The following PELP1 variants were observed in gnomAD, a reference collection of about 807,000 sequenced individuals.
PELP1 encodes the protein proline, glutamate and leucine rich protein 1, also known as proline-, glutamic acid- and leucine-rich protein 1.
Under a neutral mutation model 95.5 loss-of-function variants are expected in PELP1, and 32 were observed. The observed-to-expected ratio is 0.34, with a 90% CI of 0.25 to 0.45. The LOEUF is 0.45. Among genes scored for constraint, PELP1 ranks in the 20% least tolerant of loss-of-function variants. The pLI, the probability that PELP1 is intolerant of heterozygous loss-of-function variation, is 1.00. For missense variants in PELP1, 1,358 were observed against 1,444.8 expected (o/e 0.94, Z 0.97); for synonymous variants, 668 against 600.1 (o/e 1.11, Z -1.65).
Position 4,672,214 on chromosome 17 carries a change from T to C in PELP1, c.2777A>G (p.Glu926Gly), listed in dbSNP as rs1359035848. ...TTCTTCCTCAAACTCTTCTTCCTCC[T>C]CTTCTTCCTCTTCAAAATATTCCTC... ...DEEEYFEEEE[E>G]EEEEFEEEFE... Residue 926 changes from glutamate to glycine, a missense_variant, in exon 16 of 17, where the codon GAG (glutamate) becomes GGG (glycine). Around this residue, in one of 7 missense-constraint regions of PELP1, gnomAD observed 283 missense variants for 284.1 expected, o/e 1.00. Coordinates refer to ENST00000572293, the MANE Select transcript of PELP1 (RefSeq NM_014389.3). The C allele has an allele frequency of 3.2e-6, 5 of 1,552,460 alleles. No individual in the cohort carries two copies. In the East Asian group the frequency reaches 7.3e-5, roughly 23 times the overall value.
At position 4,672,036 on chromosome 17, in the gene PELP1, A is replaced by C; in HGVS notation, c.2955T>G (p.Ala985=). Residue 985 remains alanine, a synonymous_variant, in exon 16 of 17, where the codon GCT becomes GCG. Coordinates refer to ENST00000572293, the MANE Select transcript of PELP1 (RefSeq NM_014389.3). ...GAPPPPTLPP[A]LPPPESPPKV... ...TTGGGGGAGACTCAGGGGGAGGCAG[A>C]GCTGGAGGCAGGGTTGGGGGTGGAG... The C allele has an allele frequency of 6.4e-7, 1 of 1,565,810 alleles. No individual in the cohort carries two copies. The highest frequency in any genetic ancestry group is 8.6e-7 in the Non-Finnish European group (1 of 1,159,706).
Position 4,672,008 on chromosome 17 carries a change from C to T in PELP1, c.2983G>A (p.Val995Met). ...GGTTCAGGTTCGGGTTCTGGCTGCACCTTTGGGGGAGACTCAGGGGGAGGC... is the reference window on the plus strand; with the variant it reads ...GGTTCAGGTTCGGGTTCTGGCTGCATCTTTGGGGGAGACTCAGGGGGAGGC... ...ALPPPESPPK[V>M]QPEPEPEPGL... Residue 995 changes from valine to methionine, a missense_variant, in exon 16 of 17, where the codon GTG (valine) becomes ATG (methionine). Val to Met is a conservative substitution (Grantham distance 21). This residue lies in a region of PELP1 where 283 missense variants were observed against 284.1 expected (regional missense o/e 1.00). Transcript: ENST00000572293. 1.3e-6 allele frequency: 2 copies of T among 1,571,828 alleles called. No homozygotes were observed. The highest frequency in any genetic ancestry group is 1.7e-6 in the Non-Finnish European group (2 of 1,161,496).
intron 1 of PELP1, among the ~76,000 whole-genome samples, chr17:4,702,244 C>G (rs1338948684): frequency 6.6e-6 from 1 of 152,096 alleles, no homozygotes; most frequent in Non-Finnish European, 1.5e-5. Flanking sequence ...CATGGCAAAA[C>G]CCCGTCTCTA....
chr17:4,671,759 G>A lies in PELP1; in HGVS notation c.3232C>T (p.Pro1078Ser), dbSNP rs953240093. ...ETEDGSDKVQ[P>S]PPETPAEEEM... The stretch of plus-strand genomic sequence containing the variant: ...TCTTCTGCAGGTGTCTCTGGTGGGG[G>A]CTGCACCTTGTCACTCCCATCCTCA... Residue 1078 changes from proline (P) to serine (S), a missense_variant, in exon 16 of 17, where the codon CCC (proline) becomes TCC (serine). Physicochemically the swap from Pro to Ser is moderately conservative, Grantham distance 74. Transcript: ENST00000572293. 7 of 1,524,328 alleles carry A rather than the reference G, an allele frequency of 4.6e-6. No homozygotes were observed. The highest frequency in any genetic ancestry group is 1.4e-5 in the African/African-American group (1 of 71,824). The allele number at this position is 1,524,328 out of a possible 1,614,324, so 94.4% of individuals were successfully genotyped here. A position where few individuals can be genotyped will look rare whatever the true frequency, so the allele number is the denominator to read the frequency against.
In PELP1 at chr17:4,691,390, G is replaced by C. The variant is rs1180546448; in HGVS notation, c.302C>G (p.Ser101Cys). The part of the protein sequence containing the change: ...LVSLSNARLS[S>C]IKTRFEGLCL... ...GCCAAAGACTTACCGAGTTTTGATGGAACTGAGACGTGCATTACTGAGACT... is the reference window on the plus strand; with the variant it reads ...GCCAAAGACTTACCGAGTTTTGATGCAACTGAGACGTGCATTACTGAGACT... The change falls in exon 2 of 17, where the codon TCC becomes TGC. Residue 101 changes from serine (S) to cysteine (C), a missense_variant. Coordinates refer to ENST00000572293, the MANE Select transcript of PELP1 (RefSeq NM_014389.3). 1.9e-6 allele frequency: 3 copies of C among 1,613,304 alleles called. No individual in the cohort carries two copies. Among genetic ancestry groups the C allele is most frequent in the Non-Finnish European group, 2.5e-6 (3 of 1,179,268 alleles).
chr17:4,701,384 T>C (rs1213282899), intron 1 of PELP1, among the ~76,000 whole-genome samples: 1 of 152,018 alleles, frequency 6.6e-6, no homozygotes, highest in East Asian at 1.9e-4. Flanking sequence ...ACAAAGCCTC[T>C]GAGGAAAGAA....
intron 1 of PELP1, among the ~76,000 whole-genome samples, chr17:4,698,364 G>A (rs906562677): frequency 2.0e-5 from 3 of 151,950 alleles, no homozygotes; most frequent in African/African-American, 7.2e-5. Context: ...AAAGCAAGCT[G>A]GGCGCGGTGG....
intron 3 of PELP1, among the ~76,000 whole-genome samples, chr17:4,686,580 C>T (rs147867504): frequency 0.16 from 24,828 of 152,086 alleles, 2,589 homozygotes; most frequent in Non-Finnish European, 0.25. Flanking sequence ...TGCAGTGGCG[C>T]GATCTCGGCT....
intron 1 of PELP1, among the ~76,000 whole-genome samples, chr17:4,693,756 A>G (rs1008253595): frequency 6.6e-6 from 1 of 152,242 alleles, no homozygotes; most frequent in Non-Finnish European, 1.5e-5. Context: ...GCTGCTCAGA[A>G]TGGCACGTAA....
At position 4,672,314 on chromosome 17, in the gene PELP1, C is replaced by A; in HGVS notation, c.2677G>T (p.Glu893Ter). ...INSSDEEEEE[E>*]EEEEEEEEEE... ...TCTTCTTCTTCTTCCTCTTCTTCCTCTTCCTCCTCCTCTTCATCACTGCTG... is the reference window on the plus strand; with the variant it reads ...TCTTCTTCTTCTTCCTCTTCTTCCTATTCCTCCTCCTCTTCATCACTGCTG... The change falls in exon 16 of 17, where the codon GAG becomes TAG. Residue 893 changes from glutamate to a stop codon, truncating the protein, a stop_gained. Coordinates refer to ENST00000572293, the MANE Select transcript of PELP1 (RefSeq NM_014389.3). LOFTEE classifies it high-confidence loss of function. 1 of 1,553,474 alleles carries A rather than the reference C, an allele frequency of 6.4e-7. No individual in the cohort carries two copies. Among genetic ancestry groups the A allele is most frequent in the Non-Finnish European group, 8.7e-7 (1 of 1,147,980 alleles).
chr17:4,692,189 C>A (rs948227430), intron 1 of PELP1, among the ~76,000 whole-genome samples: 1 of 152,122 alleles, frequency 6.6e-6, no homozygotes, highest in African/African-American at 2.4e-5. Context: ...TTGACATGGC[C>A]GGGCGCAGTG....
chr17:4,691,095 C>G, intron 2 of PELP1, 102 bp from the exon 3 acceptor site: 1 of 835,382 alleles, frequency 1.2e-6, no homozygotes, highest in Admixed American at 2.2e-5. Context: ...ACTTCATCCC[C>G]AGATCCACTG....
At position 4,671,187 on chromosome 17, in the gene PELP1, G is replaced by A. The variant is rs1912182825; in HGVS notation, c.*252C>T. The A allele has an allele frequency of 1.8e-6, 1 of 542,124 alleles. No individual in the cohort carries two copies. Among genetic ancestry groups the A allele is most frequent in the South Asian group, 2.4e-5 (1 of 41,542 alleles). The allele number at this position is 542,124 out of a possible 1,614,324, so 33.6% of individuals were successfully genotyped here. A position where few individuals can be genotyped will look rare whatever the true frequency, so the allele number is the denominator to read the frequency against. On this transcript the variant is annotated 3_prime_UTR_variant, in exon 17 of 17. Transcript: ENST00000572293. ...ATTCTGCACGTTTAGCATCCAGCCA[G>A]AATCCTACAATTCTGACACCATCGT... is the stretch of plus-strand genomic sequence containing the variant.
chr17:4,690,993 C>A lies in PELP1; in HGVS notation c.315G>T (p.Arg105=), dbSNP rs1050535000. 1.9e-6 allele frequency: 3 copies of A among 1,609,202 alleles called. No individual in the cohort carries two copies. The highest frequency in any genetic ancestry group is 3.3e-5 in the Admixed American group (2 of 59,950). The part of the protein sequence containing the change: ...SNARLSSIKT[R]FEGLCLLSLL... ...GGGACAGCAGACACAGGCCCTCAAA[C>A]CTTCAAAGAAAGAAGAGAGTCATGT... Residue 105 remains arginine, a splice_region_variant and synonymous_variant, in exon 3 of 17, where the codon CGG becomes CGT. Coordinates refer to ENST00000572293, the MANE Select transcript of PELP1 (RefSeq NM_014389.3).
intron 1 of PELP1, among the ~76,000 whole-genome samples, chr17:4,697,838 T>C (rs1913353167): frequency 6.6e-6 from 1 of 151,770 alleles, no homozygotes; most frequent in South Asian, 2.1e-4. Flanking sequence ...GGGTGAAAGG[T>C]TGACAAGACC....
At chr17:4,688,093 GGGA>G (rs1311640200) in intron 3 of PELP1, among the ~76,000 whole-genome samples, 4 of 152,194 alleles carry the variant, frequency 2.6e-5, no homozygotes, top group Non-Finnish European at 5.9e-5. Context: ...TTAGCACTTA[GGGA>G]GGCCGAGGCA....
rs1196483467 is a variant in PELP1, at chr17:4,675,335, G to A, written c.1096C>T (p.Leu366=). 5 of 1,558,322 alleles carry A rather than the reference G, an allele frequency of 3.2e-6. No individual in the cohort carries two copies. The East Asian group carries it at 1.2e-4, about 37-fold the overall frequency. Residue 366 remains leucine, a synonymous_variant, in exon 10 of 17, where the codon CTG becomes TTG. Coordinates refer to ENST00000572293, the MANE Select transcript of PELP1 (RefSeq NM_014389.3). This position sits in a 1 kb window ranked among gnomAD's most constrained non-coding sequence, Gnocchi z 4.3. ...ISLHGDGPLR[L]LLLPSIHLEA... ...AGGTGGATAGAGGGCAGCAGCAGCA[G>A]CCGCAGGGGACCATCTCCATGCAAG...
Position 4,691,543 on chromosome 17 carries a change from G to A in PELP1, c.250-101C>T, listed in dbSNP as rs758346992. ...GTCCCAGCACCTATGAAGCCTTTCT[G>A]AAGTCACATCTCCTCTGAGGCCAAA... On this transcript the variant is annotated intron_variant, in intron 1 of 16. Transcript: ENST00000572293. 1.8e-4 allele frequency: 159 copies of A among 895,348 alleles called. No homozygotes were observed. The Middle Eastern group carries it at 2.4e-3, about 14-fold the overall frequency. The allele number at this position is 895,348 out of a possible 1,614,324, so 55.5% of individuals were successfully genotyped here.
rs1912248273 is a variant in PELP1, at chr17:4,672,307, T to TC, written c.2683dup (p.Glu895GlyfsTer17). 1 of 1,552,050 alleles carries TC rather than the reference T, an allele frequency of 6.4e-7. No individual in the cohort carries two copies. Among genetic ancestry groups the TC allele is most frequent in the Non-Finnish European group, 8.7e-7 (1 of 1,147,292 alleles). ...TTCTTCCTCTTCTTCTTCTTCCTCT[T>TC]CTTCCTCTTCCTCCTCCTCTTCATC... On this transcript the variant is annotated frameshift_variant, in exon 16 of 17. Transcript: ENST00000572293. LOFTEE classifies it high-confidence loss of function.
Sources: gnomAD v4.1 joint callset for allele counts (sites outside exome capture counted in the v4.1 genomes callset) on GRCh38, gnomAD v4.1.1 for gene constraint, gnomAD v4.1.1 regional missense constraint, Gnocchi (gnomAD v3.1) non-coding constraint, MANE v1.5 for transcripts, NCBI Gene and HGNC (gene_info 2026-07-23, HGNC 2026-07-21) for gene names.